Variants in ERAP1 observed in about 807,000 individuals in gnomAD.
ERAP1 encodes the protein adipocyte-derived leucine aminopeptidase.
ERAP1 carries 86 observed loss-of-function variants against 103.7 expected under a neutral mutation model. That is an observed-to-expected ratio of 0.83 (90% confidence interval 0.70 to 0.99). The LOEUF (loss-of-function observed/expected upper bound fraction) is 0.99, where lower values mean the gene tolerates loss of function less well. ERAP1 is among the 50% of genes least tolerant of loss of function. The pLI, the probability that ERAP1 is intolerant of heterozygous loss-of-function variation, is 0.00. For missense variants in ERAP1, 1,009 were observed against 1,128.4 expected (o/e 0.89, Z 1.52); for synonymous variants, 398 against 402.4 (o/e 0.99, Z 0.13).
At chr5:96,831,061 G>T in the ERAP1 span, among the ~76,000 whole-genome samples, 1 of 152,188 alleles carries the variant, frequency 6.6e-6, no homozygotes, top group Non-Finnish European at 1.5e-5. Flanking sequence ...TATTTATAAA[G>T]AAAAATTGTT....
At chr5:96,932,326 T>C in the ERAP1 span, among the ~76,000 whole-genome samples, 2 of 152,232 alleles carry the variant, frequency 1.3e-5, no homozygotes, top group Non-Finnish European at 2.9e-5. Flanking sequence ...AATGAATTAA[T>C]GTATTGTTGC....
At chr5:96,912,528 G>A in the ERAP1 span, 2 of 655,054 alleles carry the variant, frequency 3.1e-6, no homozygotes, top group Non-Finnish European at 5.0e-6. Flanking sequence ...AATACATTGA[G>A]TACTGAAAGC....
chr5:96,883,939 A>G, the ERAP1 span: 1 of 1,555,330 alleles, frequency 6.4e-7, no homozygotes, highest in South Asian at 1.2e-5. Context: ...AGGTATGTCC[A>G]CTTCCAGAAA....
chr5:96,858,897 C>T, the ERAP1 span, among the ~76,000 whole-genome samples: 1 of 152,134 alleles, frequency 6.6e-6, no homozygotes, highest in African/African-American at 2.4e-5. Flanking sequence ...TTTAAAACTT[C>T]CCTGTGTTCT....
chr5:96,793,550 A>G (rs1776973082), intron 6 of ERAP1, 37 bp from the exon 7 acceptor site: 3 of 1,467,708 alleles, frequency 2.0e-6, no homozygotes, highest in Non-Finnish European at 2.9e-6. Flanking sequence ...AAAGACACTC[A>G]GAAAGAAGTA....
the ERAP1 span, among the ~76,000 whole-genome samples, chr5:96,916,534 G>A: frequency 6.9e-6 from 1 of 144,976 alleles, no homozygotes; most frequent in African/African-American, 2.6e-5. Context: ...TGCGATCTCG[G>A]CTCACTGCAA....
intron 7 of ERAP1, 78 bp from the exon 8 acceptor site, chr5:96,792,270 T>C (rs1581594945): frequency 1.4e-6 from 2 of 1,451,432 alleles, no homozygotes; most frequent in East Asian, 4.5e-5. Flanking sequence ...ACATTTTATC[T>C]GAGGCAAGAA....
intron 19 of ERAP1, chr5:96,765,919 G>A: frequency 1.7e-6 from 1 of 590,048 alleles, no homozygotes. Flanking sequence ...TTGTTCTGTT[G>A]CTTAAAAAAT....
At chr5:96,899,550 C>G in the ERAP1 span, among the ~76,000 whole-genome samples, 7 of 152,142 alleles carry the variant, frequency 4.6e-5, no homozygotes, top group Non-Finnish European at 1.0e-4. Context: ...CCCTTAAGTA[C>G]TGGTTATTCA....
intron 10 of ERAP1, among the ~76,000 whole-genome samples, chr5:96,789,545 T>C (rs971241576): frequency 2.0e-5 from 3 of 151,708 alleles, no homozygotes; most frequent in Admixed American, 6.6e-5. Flanking sequence ...TAGAAACTAC[T>C]GAATAAAGCA....
At chr5:96,901,577 C>G in the ERAP1 span, 1 of 1,614,060 alleles carries the variant, frequency 6.2e-7, no homozygotes, top group Non-Finnish European at 8.5e-7. Flanking sequence ...AAGGAATCCC[C>G]CTGCTGGTGG....
At chr5:96,869,889 T>C in the ERAP1 span, among the ~76,000 whole-genome samples, 25 of 152,220 alleles carry the variant, frequency 1.6e-4, no homozygotes, top group Admixed American at 5.9e-4. Context: ...CCTTTTGCTG[T>C]AATGGCACAG....
chr5:96,889,543 G>T, the ERAP1 span: 1 of 689,684 alleles, frequency 1.4e-6, no homozygotes. Context: ...TAACATATCT[G>T]CATCGAACTC....
chr5:96,788,522 G>C lies in ERAP1; in HGVS notation c.1679+9C>G, dbSNP rs763505650. 5.0e-6 allele frequency: 8 copies of C among 1,613,862 alleles called. No individual in the cohort carries two copies. The East Asian group carries it at 1.8e-4, about 36-fold the overall frequency. ...GACAACAAAACAAATTTTACTCTAG[G>C]AGCATTACCCAGTGTCCGGGGCGCC... On this transcript the variant is annotated intron_variant, in intron 11 of 18. Transcript: ENST00000443439.
At chr5:96,917,681 C>T in the ERAP1 span, 495 of 1,229,534 alleles carry the variant, frequency 4.0e-4, 5 homozygotes, top group South Asian at 6.6e-3. Flanking sequence ...CTGAGAAGGG[C>T]GGATCACGAG....
intron 11 of ERAP1, 39 bp from the exon 12 acceptor site, chr5:96,786,588 C>G: frequency 7.0e-6 from 9 of 1,294,766 alleles, no homozygotes; most frequent in Non-Finnish European, 1.0e-5. Flanking sequence ...TTTGTTGATT[C>G]AATTCAACAA....
At chr5:96,880,366 G>C in the ERAP1 span, 2 of 964,264 alleles carry the variant, frequency 2.1e-6, no homozygotes, top group Non-Finnish European at 3.0e-6. Flanking sequence ...GAAATCCAGT[G>C]AACTATGGGG....
the ERAP1 span, chr5:96,917,332 G>T: frequency 1.5e-6 from 1 of 678,200 alleles, no homozygotes; most frequent in East Asian, 3.0e-5. Flanking sequence ...TGTTGCCTAG[G>T]CTCGTATTGA....
At chr5:96,928,352 A>G in the ERAP1 span, among the ~76,000 whole-genome samples, 56,781 of 152,082 alleles carry the variant, frequency 0.37, 10,770 homozygotes, top group Non-Finnish European at 0.42. Flanking sequence ...CTTATTTGAA[A>G]TAGGGTTGTT....
Sources: gnomAD v4.1 joint callset for allele counts (sites outside exome capture counted in the v4.1 genomes callset) on GRCh38, gnomAD v4.1.1 for gene constraint, MANE v1.5 for transcripts, NCBI Gene and HGNC (gene_info 2026-07-23, HGNC 2026-07-21) for gene names.